The following CSMD2 variants were observed in gnomAD, a reference collection of about 807,000 sequenced individuals.
CSMD2 encodes the protein CUB and sushi domain-containing protein 2.
CSMD2 carries 130 observed loss-of-function variants against 398.5 expected under a neutral mutation model. The ratio of observed to expected loss-of-function variants is 0.33; its 90% CI spans 0.28 to 0.38. CSMD2 has a LOEUF of 0.38. Ranked by LOEUF, CSMD2 falls within the 10% of genes least tolerant of loss-of-function variation. The pLI is 1.00. For synonymous variants in CSMD2, 1,828 were observed against 1,908.5 expected (o/e 0.96, Z 1.10); for missense variants, 3,829 against 4,764.9 (o/e 0.80, Z 5.78).
At chr1:34,148,476 A>G (rs1639987551) in intron 1 of CSMD2, among the ~76,000 whole-genome samples, 1 of 152,202 alleles carries the variant, frequency 6.6e-6, no homozygotes, top group South Asian at 2.1e-4. Context: ...TGATCTGACA[A>G]CCACTTGACG....
chr1:33,578,055 G>A (rs1471236879), intron 48 of CSMD2, among the ~76,000 whole-genome samples: 1 of 150,616 alleles, frequency 6.6e-6, no homozygotes, highest in African/African-American at 2.5e-5. Flanking sequence ...AGCACAGCAT[G>A]GGGCACTCAC....
chr1:33,902,538 G>A (rs944932710), intron 5 of CSMD2, among the ~76,000 whole-genome samples: 8 of 152,154 alleles, frequency 5.3e-5, no homozygotes, highest in African/African-American at 1.7e-4. Flanking sequence ...TTGGTCTGGG[G>A]AATCACCTTG....
rs1057137750 is a variant in CSMD2 at position 33,663,200 on chromosome 1, C to G, written c.4053-108G>C. On this transcript the variant is annotated intron_variant, in intron 25 of 70. Transcript: ENST00000373381. ...AAGACTGGCCCTAAACCTACAAAGC[C>G]CTAAACCTCCGAAGCCCAGCAGGAG... is the stretch of plus-strand genomic sequence containing the variant. 5 of 872,826 alleles carry G rather than the reference C, an allele frequency of 5.7e-6. No homozygotes were observed. The African/African-American group carries it at 8.4e-5, about 15-fold the overall frequency. The allele number at this position is 872,826 out of a possible 1,614,324, so 54.1% of individuals were successfully genotyped here. A position where few individuals can be genotyped will look rare whatever the true frequency, so the allele number is the denominator to read the frequency against.
chr1:33,639,110 T>C (rs777176987), intron 29 of CSMD2, among the ~76,000 whole-genome samples: 3 of 152,220 alleles, frequency 2.0e-5, no homozygotes, highest in Non-Finnish European at 4.4e-5. Flanking sequence ...TTCCTCCTTC[T>C]CTCAGTCTGG....
At chr1:34,019,151 C>A (rs543525650) in intron 3 of CSMD2, among the ~76,000 whole-genome samples, 1 of 152,302 alleles carries the variant, frequency 6.6e-6, no homozygotes, top group South Asian at 2.1e-4. Flanking sequence ...ATGTAAGGCA[C>A]TTAGAAGAGT....
intron 31 of CSMD2, among the ~76,000 whole-genome samples, chr1:33,634,438 C>T (rs534637131): frequency 2.0e-5 from 3 of 152,338 alleles, no homozygotes; most frequent in South Asian, 4.1e-4. Context: ...TGCTCCTCCC[C>T]TGGGTGGTCG....
intron 2 of CSMD2, among the ~76,000 whole-genome samples, chr1:34,063,769 G>C (rs1347193342): frequency 6.6e-6 from 1 of 152,188 alleles, no homozygotes; most frequent in African/African-American, 2.4e-5. Context: ...GCTCCGATGG[G>C]TGCTCCGATC....
intron 5 of CSMD2, among the ~76,000 whole-genome samples, chr1:33,877,728 T>C (rs547308031): frequency 1.3e-5 from 2 of 152,186 alleles, no homozygotes; most frequent in South Asian, 2.1e-4. Flanking sequence ...AGGGGGCAAA[T>C]TGAAAAGAAT....
intron 5 of CSMD2, among the ~76,000 whole-genome samples, chr1:33,881,997 A>G (rs934381280): frequency 2.0e-5 from 3 of 152,174 alleles, no homozygotes; most frequent in Non-Finnish European, 1.5e-5. Context: ...TATAATAAAT[A>G]ATGCTGCAGT....
intron 26 of CSMD2, among the ~76,000 whole-genome samples, chr1:33,660,432 A>G (rs1328246857): frequency 6.6e-6 from 1 of 152,156 alleles, no homozygotes; most frequent in East Asian, 1.9e-4. Context: ...AGGATGTTAG[A>G]TGTTACACAG....
intron 5 of CSMD2, among the ~76,000 whole-genome samples, chr1:33,901,770 A>C (rs1009690949): frequency 1.3e-5 from 2 of 152,230 alleles, no homozygotes; most frequent in African/African-American, 4.8e-5. Context: ...AAATAAATAA[A>C]GTTTACTAGG....
Position 33,602,379 on chromosome 1 carries a change from T to G in CSMD2, c.6700A>C (p.Ile2234Leu). The change falls in exon 43 of 71, where the codon ATC becomes CTC. Residue 2234 changes from isoleucine (I) to leucine (L), a missense_variant. Ile to Leu is a conservative substitution (Grantham distance 5). Coordinates refer to ENST00000373381, the MANE Select transcript of CSMD2 (RefSeq NM_001281956.2). ...TGGCACCTGGCCTACCAGATGGTGATGAAATCTCCAGAGGGCTCTGTCTGC... is the reference window on the plus strand; with the variant it reads ...TGGCACCTGGCCTACCAGATGGTGAGGAAATCTCCAGAGGGCTCTGTCTGC... Reference protein sequence around the residue: ...LLQTEPSGDFITIWDGPQQTA... With the variant: ...LLQTEPSGDFLTIWDGPQQTA... 6.2e-7 allele frequency: 1 copy of G among 1,613,780 alleles called. No homozygotes were observed. Among genetic ancestry groups the G allele is most frequent in the Non-Finnish European group, 8.5e-7 (1 of 1,179,912 alleles).
chr1:33,951,686 T>C (rs1237091734), intron 3 of CSMD2, among the ~76,000 whole-genome samples: 1 of 152,212 alleles, frequency 6.6e-6, no homozygotes, highest in African/African-American at 2.4e-5. Flanking sequence ...CTTAAGCTTC[T>C]TGTGACTCTT....
At chr1:33,766,531 T>C (rs1201387326) in intron 13 of CSMD2, among the ~76,000 whole-genome samples, 3 of 152,356 alleles carry the variant, frequency 2.0e-5, no homozygotes, top group Non-Finnish European at 4.4e-5. Flanking sequence ...AAGGGCCCAC[T>C]TCATTTATAT....
chr1:33,901,429 G>C (rs1203198172), intron 5 of CSMD2, among the ~76,000 whole-genome samples: 1 of 152,244 alleles, frequency 6.6e-6, no homozygotes, highest in Non-Finnish European at 1.5e-5. Flanking sequence ...ATTCAGAGAT[G>C]ATGGGCCAAG....
At chr1:33,535,965 C>T (rs1249956137) in intron 62 of CSMD2, among the ~76,000 whole-genome samples, 2 of 143,568 alleles carry the variant, frequency 1.4e-5, no homozygotes, top group Non-Finnish European at 3.1e-5. Context: ...GAAGCTAGCT[C>T]GTTTATTTAT....
intron 12 of CSMD2, among the ~76,000 whole-genome samples, chr1:33,781,192 A>G (rs1363872461): frequency 6.6e-6 from 1 of 152,200 alleles, no homozygotes; most frequent in Admixed American, 6.5e-5. Flanking sequence ...TTTAGCCTCA[A>G]TCTTATCTGC....
In CSMD2 at chr1:33,550,464, A is replaced by G. The variant is rs376284159; in HGVS notation, c.8744-114T>C. On this transcript the variant is annotated intron_variant, in intron 55 of 70. Transcript: ENST00000373381. ...CTGGGAAGAAGAGAAACCCAAGGGT[A>G]TCTGTTGAAGCAAACTTCCTGCTGG... 3 of 1,154,796 alleles carry G rather than the reference A, an allele frequency of 2.6e-6. No individual in the cohort carries two copies. The African/African-American group carries it at 4.6e-5, about 18-fold the overall frequency. 71.5% of individuals were successfully genotyped at this position (1,154,796 alleles called of 1,614,324 possible).
At chr1:33,578,844 G>C (rs172392) in intron 48 of CSMD2, among the ~76,000 whole-genome samples, 116,654 of 152,056 alleles carry the variant, frequency 0.77, 44,999 homozygotes, top group South Asian at 0.89. Context: ...GATCATATCC[G>C]TCTGCCGGTG....
Sources: allele counts gnomAD v4.1 joint callset (sites outside exome capture counted in the v4.1 genomes callset), GRCh38; gene constraint gnomAD v4.1.1; transcripts MANE v1.5; gene names NCBI Gene and HGNC (gene_info 2026-07-23, HGNC 2026-07-21).